RPS6KA2: variants seen among roughly 807,000 people sequenced by gnomAD.
RPS6KA2 encodes ribosomal protein S6 kinase alpha-2.
In RPS6KA2, 42 loss-of-function variants were observed where a neutral mutation model predicts 91.8. The observed-to-expected ratio is 0.46, with a 90% CI of 0.36 to 0.59. The LOEUF (loss-of-function observed/expected upper bound fraction) is 0.59. Among genes scored for constraint, RPS6KA2 ranks in the 20% least tolerant of loss-of-function variants. The pLI is 0.00. For missense variants in RPS6KA2, 798 were observed against 978.5 expected (o/e 0.82, Z 2.46); for synonymous variants, 414 against 393.6 (o/e 1.05, Z -0.61).
Position 166,817,402 on chromosome 6 carries a change from A to AAC in RPS6KA2, c.123+40796_123+40797dup, listed in dbSNP as rs5881717. On this transcript the variant is annotated intron_variant, in intron 2 of 21. Transcript: ENST00000503859. The stretch of plus-strand genomic sequence containing the variant: ...ACAAAGAAACACACACACGCATGTA[A>AAC]ACACACACACACACACACCCTAAAC... 0.038 allele frequency among the ~76,000 whole-genome samples: 5,793 copies of AAC among 151,260 alleles called. 510 individuals carry two copies. The East Asian group carries it at 0.38, about 10-fold the overall frequency.
At chr6:166,677,701 G>T (rs1258028905) in intron 2 of RPS6KA2, among the ~76,000 whole-genome samples, 1 of 152,082 alleles carries the variant, frequency 6.6e-6, no homozygotes, top group Admixed American at 6.6e-5. Context: ...AGATATTTTT[G>T]GATTATTCTA....
Position 166,820,370 on chromosome 6 carries a change from G to A in RPS6KA2, c.123+37830C>T, listed in dbSNP as rs574335652. ...TTCCTCTATCTCAATCTCAGATTAAGTGCCTCTCACCTGGGTCTCAAATTA... is the reference window on the plus strand; with the variant it reads ...TTCCTCTATCTCAATCTCAGATTAAATGCCTCTCACCTGGGTCTCAAATTA... On this transcript the variant is annotated intron_variant, in intron 2 of 21. Transcript: ENST00000503859. Among the ~76,000 whole-genome samples, 4 of 152,256 alleles carry A rather than the reference G, an allele frequency of 2.6e-5. No individual in the cohort carries two copies. The East Asian group carries it at 7.7e-4, about 29-fold the overall frequency.
intron 2 of RPS6KA2, among the ~76,000 whole-genome samples, chr6:166,735,602 T>C (rs7762789): frequency 0.37 from 55,882 of 152,020 alleles, 14,657 homozygotes; most frequent in African/African-American, 0.75. Context: ...TGATGGGAGA[T>C]GGTGACAGAT....
intron 11 of RPS6KA2, among the ~76,000 whole-genome samples, chr6:166,469,426 A>G (rs1192957529): frequency 6.6e-6 from 1 of 151,108 alleles, no homozygotes; most frequent in Non-Finnish European, 1.5e-5. Flanking sequence ...TAGCCCTAGC[A>G]CTAAAGGGTC....
chr6:166,504,641 A>G (rs1782134266), intron 5 of RPS6KA2, 29 bp from the exon 6 acceptor site: 7 of 1,493,600 alleles, frequency 4.7e-6, no homozygotes, highest in Non-Finnish European at 5.5e-6. Flanking sequence ...AAACAAAAAC[A>G]AAAAACGTTT....
Position 166,532,972 on chromosome 6 carries a change from G to C in RPS6KA2, c.217-1659C>G, listed in dbSNP as rs1402863297. Among the ~76,000 whole-genome samples the C allele has an allele frequency of 5.3e-5, 8 of 152,252 alleles. No homozygotes were observed. In the East Asian group the frequency reaches 1.4e-3, roughly 26 times the overall value. On this transcript the variant is annotated intron_variant, in intron 2 of 20. Coordinates refer to ENST00000265678, the MANE Select transcript of RPS6KA2 (RefSeq NM_021135.6). The stretch of plus-strand genomic sequence containing the variant: ...AGACACAGGCACAAGCCCTTCTCCG[G>C]GCTCAGGATCCCATGGCTCTTGCTG...
intron 1 of RPS6KA2, among the ~76,000 whole-genome samples, chr6:166,613,732 T>G (rs1251826360): frequency 6.6e-6 from 1 of 151,486 alleles, no homozygotes; most frequent in East Asian, 1.9e-4. Flanking sequence ...CACTCCCTTA[T>G]GTGAAACATT....
At chr6:166,774,756 C>T (rs1208585151) in intron 2 of RPS6KA2, among the ~76,000 whole-genome samples, 1 of 152,152 alleles carries the variant, frequency 6.6e-6, no homozygotes, top group Non-Finnish European at 1.5e-5. Flanking sequence ...TGAACATCAG[C>T]ATGATGACGA....
intron 2 of RPS6KA2, among the ~76,000 whole-genome samples, chr6:166,819,706 G>T (rs1779855750): frequency 6.6e-6 from 1 of 152,080 alleles, no homozygotes; most frequent in Admixed American, 6.6e-5. Flanking sequence ...TTCTTTCTAG[G>T]GCTCTGCAGT....
intron 11 of RPS6KA2, among the ~76,000 whole-genome samples, chr6:166,465,922 C>T (rs1214763121): frequency 1.3e-5 from 2 of 152,204 alleles, no homozygotes; most frequent in Non-Finnish European, 2.9e-5. Flanking sequence ...TTTCTGAGCT[C>T]TTCTGCCACT....
intron 2 of RPS6KA2, among the ~76,000 whole-genome samples, chr6:166,747,014 G>T (rs1017065808): frequency 1.7e-4 from 26 of 152,222 alleles, no homozygotes; most frequent in African/African-American, 5.8e-4. Context: ...ACGACCCTGC[G>T]GAATCCTCCG....
intron 2 of RPS6KA2, among the ~76,000 whole-genome samples, chr6:166,765,484 C>T (rs1007142316): frequency 2.0e-5 from 3 of 152,162 alleles, no homozygotes; most frequent in East Asian, 1.9e-4. Context: ...CAGGGACGGG[C>T]GCAGTGTGCT....
intron 2 of RPS6KA2, among the ~76,000 whole-genome samples, chr6:166,824,040 A>C (rs1030458986): frequency 2.0e-5 from 3 of 151,854 alleles, no homozygotes; most frequent in African/African-American, 7.3e-5. Flanking sequence ...CTATAATTCT[A>C]TCTCTGGTTG....
intron 1 of RPS6KA2, among the ~76,000 whole-genome samples, chr6:166,859,610 C>A (rs1285424114): frequency 1.3e-5 from 2 of 152,136 alleles, no homozygotes; most frequent in African/African-American, 2.4e-5. Context: ...ACACAGAGAA[C>A]CACAAAGACT....
In RPS6KA2 at chr6:166,418,109, G is replaced by C. The variant is rs1778601473; in HGVS notation, c.1938+116C>G. ...CATTTCAAGAAAAAAAAAAAAATAT[G>C]CTGAGGATAAAATACCTATACTACT... On this transcript the variant is annotated intron_variant, in intron 19 of 20. Transcript: ENST00000265678. The surrounding 1 kb of genome is among the most constrained non-coding windows in gnomAD (Gnocchi z 4.9). 1.4e-6 allele frequency: 1 copy of C among 713,978 alleles called. No individual in the cohort carries two copies. Among genetic ancestry groups the C allele is most frequent in the Non-Finnish European group, 2.4e-6 (1 of 420,298 alleles). The allele number at this position is 713,978 out of a possible 1,614,324, so 44.2% of individuals were successfully genotyped here.
chr6:166,620,560 A>G (rs1047679982), intron 1 of RPS6KA2, among the ~76,000 whole-genome samples: 1 of 152,262 alleles, frequency 6.6e-6, no homozygotes, highest in Non-Finnish European at 1.5e-5. Context: ...AGGAAAAGCT[A>G]GTTTCATGGT....
At chr6:166,839,680 C>CAGGGCAGGGGAGGGGAGGGGAGGGG (rs1562465693) in intron 2 of RPS6KA2, among the ~76,000 whole-genome samples, 5 of 708 alleles carry the variant, frequency 7.1e-3, no homozygotes, top group Admixed American at 0.038. Flanking sequence ...GAAATCAGAG[C>CAGGGCAGGGGAGGGGAGGGGAGGGG]AGGAGAGGAG....
chr6:166,572,492 G>T (rs1784718185), intron 1 of RPS6KA2, among the ~76,000 whole-genome samples: 1 of 152,252 alleles, frequency 6.6e-6, no homozygotes, highest in Non-Finnish European at 1.5e-5. Context: ...ACAAGTGGCT[G>T]GTGACGTATT....
chr6:166,571,126 G>T (rs1181689251), intron 1 of RPS6KA2, among the ~76,000 whole-genome samples: 1 of 152,222 alleles, frequency 6.6e-6, no homozygotes, highest in Admixed American at 6.5e-5. Flanking sequence ...GGCCGGCCCC[G>T]CATGCCCAGC....
Sources: allele counts gnomAD v4.1 joint callset (sites outside exome capture counted in the v4.1 genomes callset), GRCh38; gene constraint gnomAD v4.1.1; non-coding constraint Gnocchi (gnomAD v3.1); transcripts MANE v1.5; gene names NCBI Gene and HGNC (gene_info 2026-07-23, HGNC 2026-07-21).